Variants in ABRAXAS2 observed in about 807,000 individuals in gnomAD.
The protein encoded by ABRAXAS2 is BRISC complex subunit Abraxas 2.
In ABRAXAS2, 23 loss-of-function variants were observed where a neutral mutation model predicts 49.0. That is an observed-to-expected ratio of 0.47 (90% CI 0.34 to 0.66). The LOEUF is 0.66. Ranked by LOEUF, ABRAXAS2 falls within the 30% of genes least tolerant of loss-of-function variation. ABRAXAS2 has a pLI of 0.01. For missense variants in ABRAXAS2, 443 were observed against 511.9 expected, an observed-to-expected ratio of 0.87 and a Z score of 1.30; for synonymous variants, 168 against 180.2, an observed-to-expected ratio of 0.93 and a Z score of 0.54.
chr10:124,834,625 C>T lies in ABRAXAS2; in HGVS notation c.902C>T (p.Ala301Val). ...EGRSTLGDAE[A>V]SDPPPPYSDF... Reference sequence around the variant, plus strand: ...AGAAGTACACTTGGAGATGCAGAGGCCTCGGATCCTCCTCCCCCTTACTCT... The same window carrying T: ...AGAAGTACACTTGGAGATGCAGAGGTCTCGGATCCTCCTCCCCCTTACTCT... Residue 301 changes from alanine to valine, a missense_variant, in exon 9 of 9, where the codon GCC (alanine) becomes GTC (valine). Ala to Val is a moderately conservative substitution (Grantham distance 64). This residue lies in a region of ABRAXAS2 where 230 missense variants were observed against 237.0 expected (regional missense o/e 0.97). Transcript: ENST00000298492. 6.2e-7 allele frequency: 1 copy of T among 1,614,088 alleles called. No individual in the cohort carries two copies. The highest frequency in any genetic ancestry group is 8.5e-7 in the Non-Finnish European group (1 of 1,180,010).
At position 124,808,099 on chromosome 10, in the gene ABRAXAS2, C is replaced by G. The variant is rs74160957; in HGVS notation, c.163+1178C>G. ...ATAGAGGTCATAGTCCTTTCAGGTA[C>G]ACTTCAGGCAGATCACCAAACTGCA... is the stretch of plus-strand genomic sequence containing the variant. On this transcript the variant is annotated intron_variant, in intron 2 of 8. Coordinates refer to ENST00000298492, the MANE Select transcript of ABRAXAS2 (RefSeq NM_032182.4). Among the ~76,000 whole-genome samples the G allele has an allele frequency of 6.6e-3, 1,010 of 152,222 alleles. 18 individuals are homozygous for G. The highest frequency in any genetic ancestry group is 0.023 in the African/African-American group (969 of 41,540).
intron 2 of ABRAXAS2, among the ~76,000 whole-genome samples, chr10:124,812,499 T>G (rs943210778): frequency 1.3e-5 from 2 of 152,054 alleles, no homozygotes; most frequent in Non-Finnish European, 2.9e-5. Context: ...AAAAATTAGC[T>G]AGGCATGGTG....
chr10:124,818,264 T>G (rs1950837837), intron 3 of ABRAXAS2, among the ~76,000 whole-genome samples: 1 of 151,568 alleles, frequency 6.6e-6, no homozygotes, highest in African/African-American at 2.4e-5. Context: ...GGTACGGTGG[T>G]GGGTGCCTGT....
chr10:124,805,399 T>G (rs911252081), intron 1 of ABRAXAS2, among the ~76,000 whole-genome samples: 3 of 151,712 alleles, frequency 2.0e-5, no homozygotes, highest in Admixed American at 2.0e-4. Flanking sequence ...CACTTTAAAC[T>G]GGAAATGTTT....
chr10:124,814,047 A>G (rs1950807608), intron 2 of ABRAXAS2, among the ~76,000 whole-genome samples: 1 of 152,138 alleles, frequency 6.6e-6, no homozygotes, highest in South Asian at 2.1e-4. Flanking sequence ...GCTGGAGTGC[A>G]ATGGCACAAT....
At chr10:124,804,626 A>G (rs546154205) in intron 1 of ABRAXAS2, among the ~76,000 whole-genome samples, 3 of 151,546 alleles carry the variant, frequency 2.0e-5, no homozygotes, top group Admixed American at 6.6e-5. Flanking sequence ...TGATTTAGGC[A>G]GTGTTTCTCA....
intron 2 of ABRAXAS2, among the ~76,000 whole-genome samples, chr10:124,807,773 C>T (rs1185071324): frequency 6.6e-6 from 1 of 152,170 alleles, no homozygotes. Flanking sequence ...CACTGAATTG[C>T]TGTGTGACCA....
chr10:124,826,287 T>C (rs947532457), intron 4 of ABRAXAS2, among the ~76,000 whole-genome samples: 5 of 152,198 alleles, frequency 3.3e-5, no homozygotes, highest in African/African-American at 1.2e-4. Flanking sequence ...GTTTTCATTT[T>C]CTAGAATTTT....
chr10:124,807,021 T>A, intron 2 of ABRAXAS2, 100 bp downstream of exon 2: 1 of 963,174 alleles, frequency 1.0e-6, no homozygotes, highest in Non-Finnish European at 1.6e-6. Context: ...CCTAAAGAAT[T>A]CAAAGAGTAT....
chr10:124,829,232 T>A (rs1438628681), intron 6 of ABRAXAS2, among the ~76,000 whole-genome samples, 161 bp from the exon 7 acceptor site: 1 of 152,204 alleles, frequency 6.6e-6, no homozygotes, highest in Non-Finnish European at 1.5e-5. Context: ...TTTTTTAAAT[T>A]TCTCTTCTGT....
At chr10:124,828,549 G>T (rs1470751347) in intron 5 of ABRAXAS2, among the ~76,000 whole-genome samples, 1 of 151,828 alleles carries the variant, frequency 6.6e-6, no homozygotes, top group Admixed American at 6.6e-5. Context: ...TTTATTTTTA[G>T]TAGAGACAGG....
At chr10:124,833,020 C>T (rs1408028271) in intron 8 of ABRAXAS2, among the ~76,000 whole-genome samples, 1 of 150,924 alleles carries the variant, frequency 6.6e-6, no homozygotes, top group African/African-American at 2.4e-5. Context: ...GTGGCAGGCA[C>T]CTGTAATCCC....
intron 3 of ABRAXAS2, 148 bp downstream of exon 3, chr10:124,816,760 T>C: frequency 3.4e-6 from 2 of 591,060 alleles, no homozygotes; most frequent in Non-Finnish European, 6.1e-6. Context: ...CACGGCACTG[T>C]GTTAGGTTAG....
intron 8 of ABRAXAS2, among the ~76,000 whole-genome samples, chr10:124,832,422 A>G (rs2134173970): frequency 6.6e-6 from 1 of 152,350 alleles, no homozygotes; most frequent in East Asian, 1.9e-4. Context: ...TGTCAAGTGT[A>G]AAAGATAAGG....
intron 4 of ABRAXAS2, among the ~76,000 whole-genome samples, chr10:124,821,315 C>G (rs1336668824): frequency 6.6e-6 from 1 of 151,854 alleles, no homozygotes; most frequent in South Asian, 2.1e-4. Context: ...GCCTGTAATC[C>G]CAGCACTTGG....
At chr10:124,808,576 G>A (rs1950763624) in intron 2 of ABRAXAS2, among the ~76,000 whole-genome samples, 1 of 152,178 alleles carries the variant, frequency 6.6e-6, no homozygotes, top group Admixed American at 6.6e-5. Flanking sequence ...CTGCGGGGAG[G>A]ATTAGACAGG....
chr10:124,832,621 G>C (rs1388361784), intron 8 of ABRAXAS2, among the ~76,000 whole-genome samples: 1 of 152,138 alleles, frequency 6.6e-6, no homozygotes, highest in Non-Finnish European at 1.5e-5. Flanking sequence ...GAGGCAGGCA[G>C]ATCACCTGAG....
rs369178798 is a variant in ABRAXAS2, at chr10:124,808,265, TC to T, written c.163+1347del. 2.1e-3 allele frequency among the ~76,000 whole-genome samples: 325 copies of T among 151,670 alleles called. 1 individual carries two copies. Among genetic ancestry groups the T allele is most frequent in the African/African-American group, 7.2e-3 (299 of 41,332 alleles). On this transcript the variant is annotated intron_variant, in intron 2 of 8. Transcript: ENST00000298492. ...ATCTCGGCTCACTGCAAGCTCCGCC[TC>T]CCGGGTTCAGGCCATTCTCCTGCCT... is the stretch of plus-strand genomic sequence containing the variant.
intron 3 of ABRAXAS2, among the ~76,000 whole-genome samples, 194 bp from the exon 4 acceptor site, chr10:124,819,189 CT>C (rs1950844941): frequency 6.6e-6 from 1 of 152,170 alleles, no homozygotes; most frequent in Non-Finnish European, 1.5e-5. Context: ...GTAGCAATCT[CT>C]TGAGTATTCG....
Sources: allele counts gnomAD v4.1 joint callset (sites outside exome capture counted in the v4.1 genomes callset), GRCh38; gene constraint gnomAD v4.1.1; regional missense constraint gnomAD v4.1.1; transcripts MANE v1.5; gene names NCBI Gene and HGNC (gene_info 2026-07-23, HGNC 2026-07-21).